Variants in RBFOX1 observed in about 807,000 individuals in gnomAD.
The protein encoded by RBFOX1 is RNA binding fox-1 homolog 1.
Under a neutral mutation model 57.7 loss-of-function variants are expected in RBFOX1, and 8 were observed. The ratio of observed to expected loss-of-function variants is 0.14; its 90% CI spans 0.08 to 0.25. The LOEUF is 0.25. RBFOX1 is among the 10% of genes least tolerant of loss of function. The pLI is 1.00. For missense variants in RBFOX1, 611 were observed against 548.5 expected, an observed-to-expected ratio of 1.11 and a Z score of -1.14; for synonymous variants, 326 against 222.4, an observed-to-expected ratio of 1.47 and a Z score of -4.15.
chr16:6,679,755 G>C (rs1205097788), intron 3 of RBFOX1, among the ~76,000 whole-genome samples: 1 of 151,990 alleles, frequency 6.6e-6, no homozygotes, highest in Non-Finnish European at 1.5e-5. Flanking sequence ...TGTGGTATTT[G>C]TGCATGTAAC....
intron 3 of RBFOX1, among the ~76,000 whole-genome samples, chr16:6,658,627 T>A (rs1170338016): frequency 1.3e-5 from 2 of 152,334 alleles, no homozygotes; most frequent in South Asian, 2.1e-4. Context: ...TTTTTCTATT[T>A]TTCTTTATCC....
chr16:6,661,571 C>G (rs900141272), intron 3 of RBFOX1, among the ~76,000 whole-genome samples: 12 of 152,178 alleles, frequency 7.9e-5, no homozygotes, highest in African/African-American at 2.9e-4. Flanking sequence ...GGTACTTAAA[C>G]TAGTATGAAG....
At chr16:7,528,911 C>A (rs1312977560) in intron 5 of RBFOX1, among the ~76,000 whole-genome samples, 1 of 152,166 alleles carries the variant, frequency 6.6e-6, no homozygotes, top group Non-Finnish European at 1.5e-5. Context: ...CCAAAGAGTT[C>A]ATCTACGCTA....
intron 4 of RBFOX1, among the ~76,000 whole-genome samples, chr16:7,224,272 A>G (rs772302624): frequency 1.5e-4 from 23 of 152,062 alleles, no homozygotes; most frequent in Non-Finnish European, 1.6e-4. Context: ...ACAAGCCAGC[A>G]GTTATGGACA....
At chr16:6,846,124 C>T (rs1485482526) in intron 3 of RBFOX1, among the ~76,000 whole-genome samples, 1 of 152,104 alleles carries the variant, frequency 6.6e-6, no homozygotes, top group Non-Finnish European at 1.5e-5. Context: ...GTTTTTCATT[C>T]GTATATCAGA....
At chr16:6,477,024 T>C (rs2095284051) in intron 2 of RBFOX1, among the ~76,000 whole-genome samples, 1 of 152,226 alleles carries the variant, frequency 6.6e-6, no homozygotes, top group African/African-American at 2.4e-5. Context: ...ATTGCAGCAA[T>C]GTAGTTGCCT....
intron 2 of RBFOX1, among the ~76,000 whole-genome samples, chr16:6,322,406 A>G (rs2081916125): frequency 6.6e-6 from 1 of 152,150 alleles, no homozygotes; most frequent in African/African-American, 2.4e-5. Flanking sequence ...TTTATTTCCC[A>G]GCTCCAAGCA....
At position 6,327,975 on chromosome 16, in the gene RBFOX1, C is replaced by G. The variant is rs868373228; in HGVS notation, c.-64+10918C>G. 8.5e-5 allele frequency among the ~76,000 whole-genome samples: 13 copies of G among 152,120 alleles called. No individual in the cohort carries two copies. In the South Asian group the frequency reaches 1.2e-3, roughly 15 times the overall value. Reference sequence around the variant, plus strand: ...TCAGAAGACAGCTTCTGAAAATGATCTGGGTGGAAACGTATAAAGGTTGTG... The same window carrying G: ...TCAGAAGACAGCTTCTGAAAATGATGTGGGTGGAAACGTATAAAGGTTGTG... On this transcript the variant is annotated intron_variant, in intron 2 of 15. Coordinates refer to ENST00000550418, the MANE Select transcript of RBFOX1 (RefSeq NM_018723.4).
chr16:5,623,513 C>T (rs1166246232), intron 3 of RBFOX1, among the ~76,000 whole-genome samples: 2 of 151,978 alleles, frequency 1.3e-5, no homozygotes, highest in Non-Finnish European at 1.5e-5. Flanking sequence ...GACTTTTCTG[C>T]ATCTTTACCT....
chr16:7,159,022 C>G (rs1021164162), intron 4 of RBFOX1, among the ~76,000 whole-genome samples: 1 of 151,914 alleles, frequency 6.6e-6, no homozygotes, highest in Non-Finnish European at 1.5e-5. Flanking sequence ...TCTCTCACCC[C>G]TACCCCCGTC....
intron 2 of RBFOX1, among the ~76,000 whole-genome samples, chr16:6,583,389 C>T (rs532254371): frequency 1.4e-4 from 22 of 152,178 alleles, no homozygotes; most frequent in Non-Finnish European, 2.6e-4. Context: ...GGAATGATAC[C>T]AGCCAATCAA....
At chr16:5,424,895 CTTT>C (rs1646707654) in intron 1 of RBFOX1, among the ~76,000 whole-genome samples, 1 of 87,156 alleles carries the variant, frequency 1.1e-5, no homozygotes, top group Non-Finnish European at 2.3e-5. Context: ...TTCTTTCTTT[CTTT>C]CTTTCTTTCT....
chr16:7,487,165 G>A (rs2065631128), intron 4 of RBFOX1, among the ~76,000 whole-genome samples: 1 of 152,192 alleles, frequency 6.6e-6, no homozygotes, highest in African/African-American at 2.4e-5. Flanking sequence ...CTCCAAAAGT[G>A]CTGGGATTAC....
chr16:7,211,794 A>G (rs1395590069), intron 4 of RBFOX1, among the ~76,000 whole-genome samples: 2 of 152,140 alleles, frequency 1.3e-5, no homozygotes, highest in African/African-American at 2.4e-5. Context: ...CTAGGTTGCT[A>G]TGAGCTTTCA....
chr16:5,476,993 G>C (rs2069348343), intron 2 of RBFOX1, among the ~76,000 whole-genome samples: 1 of 152,058 alleles, frequency 6.6e-6, no homozygotes, highest in African/African-American at 2.4e-5. Flanking sequence ...AACACACATT[G>C]GTAAACTATT....
chr16:5,754,710 T>C (rs549572201), intron 3 of RBFOX1, among the ~76,000 whole-genome samples: 1 of 60,440 alleles, frequency 1.7e-5, no homozygotes, highest in South Asian at 6.9e-4. Context: ...TAGATATGCA[T>C]ACACATAAAC....
At chr16:5,692,089 G>C (rs1313516818) in intron 3 of RBFOX1, among the ~76,000 whole-genome samples, 3 of 151,762 alleles carry the variant, frequency 2.0e-5, no homozygotes, top group Admixed American at 1.3e-4. Context: ...TGATTTGAAG[G>C]TTATGGATAA....
chr16:6,609,373 C>T (rs996161608), intron 2 of RBFOX1, among the ~76,000 whole-genome samples: 1 of 152,016 alleles, frequency 6.6e-6, no homozygotes, highest in Non-Finnish European at 1.5e-5. Flanking sequence ...GAGACAGGGT[C>T]TCACTCTGTT....
intron 2 of RBFOX1, among the ~76,000 whole-genome samples, chr16:6,625,808 A>G (rs142183116): frequency 6.6e-6 from 1 of 152,246 alleles, no homozygotes; most frequent in African/African-American, 2.4e-5. Flanking sequence ...AATGATGATT[A>G]TCAGCTAATT....
Sources: gnomAD v4.1 joint callset for allele counts (sites outside exome capture counted in the v4.1 genomes callset) on GRCh38, gnomAD v4.1.1 for gene constraint, MANE v1.5 for transcripts, NCBI Gene and HGNC (gene_info 2026-07-23, HGNC 2026-07-21) for gene names.